The following FNIP2 variants were observed in gnomAD, a reference collection of about 807,000 sequenced individuals.
FNIP2 encodes the protein folliculin interacting protein 2.
A neutral mutation model predicts 108.7 loss-of-function variants in FNIP2; 32 were observed. The ratio of observed to expected loss-of-function variants is 0.29; its 90% confidence interval spans 0.22 to 0.40. FNIP2 has a LOEUF of 0.40. Among genes scored for constraint, FNIP2 ranks in the 10% least tolerant of loss-of-function variants. FNIP2 has a pLI of 1.00. For missense variants in FNIP2, 1,202 were observed against 1,381.6 expected (o/e 0.87, Z 2.06); for synonymous variants, 480 against 496.7 (o/e 0.97, Z 0.45).
intron 1 of FNIP2, among the ~76,000 whole-genome samples, chr4:158,814,232 C>G (rs947819333): frequency 6.6e-6 from 1 of 152,156 alleles, no homozygotes; most frequent in African/African-American, 2.4e-5. Context: ...CTACTGGTAT[C>G]AAGGTGATAG....
At chr4:158,805,812 C>T (rs1776927682) in intron 1 of FNIP2, among the ~76,000 whole-genome samples, 1 of 152,232 alleles carries the variant, frequency 6.6e-6, no homozygotes, top group African/African-American at 2.4e-5. Flanking sequence ...AATTAATTGA[C>T]TACTACATAA....
rs569663036 is a variant in FNIP2, at chr4:158,825,886, A to C, written c.108-30A>C. 6.3e-6 allele frequency: 10 copies of C among 1,595,900 alleles called. No homozygotes were observed. In the South Asian group the frequency reaches 1.1e-4, roughly 18 times the overall value. On this transcript the variant is annotated intron_variant, in intron 1 of 16. Transcript: ENST00000264433. ...GATCATCTCATGTGCTGCAGATAACATAACTTCTTTTGCCCTTTTTAATCC... is the reference window on the plus strand; with the variant it reads ...GATCATCTCATGTGCTGCAGATAACCTAACTTCTTTTGCCCTTTTTAATCC...
intron 1 of FNIP2, chr4:158,806,350 G>T: frequency 7.8e-7 from 1 of 1,289,336 alleles, no homozygotes; most frequent in Non-Finnish European, 1.0e-6. Flanking sequence ...GATTTACAGG[G>T]CGCTTTTATG....
chr4:158,867,787 AG>A, intron 12 of FNIP2, among the ~76,000 whole-genome samples: 1 of 152,188 alleles, frequency 6.6e-6, no homozygotes, highest in Admixed American at 6.5e-5. Context: ...CTCTGGCTTT[AG>A]CCTTCTTTGG....
chr4:158,863,091 C>T (rs1426214824), intron 12 of FNIP2, among the ~76,000 whole-genome samples: 1 of 152,202 alleles, frequency 6.6e-6, no homozygotes, highest in Non-Finnish European at 1.5e-5. Flanking sequence ...CTTCAGTCCT[C>T]CCTTCCCCCA....
chr4:158,786,655 T>C (rs529826369), intron 1 of FNIP2, among the ~76,000 whole-genome samples: 1 of 152,300 alleles, frequency 6.6e-6, no homozygotes, highest in African/African-American at 2.4e-5. Context: ...GAGTTCACAG[T>C]GGTTTTTATT....
At position 158,859,953 on chromosome 4, in the gene FNIP2, T is replaced by C. The variant is rs150431239; in HGVS notation, c.1148+287T>C. On this transcript the variant is annotated intron_variant, in intron 10 of 16. Coordinates refer to ENST00000264433, the MANE Select transcript of FNIP2 (RefSeq NM_020840.3). ...TCTCACCAGTCTATTCATTATCTTA[T>C]GTCAGCCTCACAAAAGCCCTAAGCA... Among the ~76,000 whole-genome samples the C allele has an allele frequency of 9.0e-4, 137 of 152,352 alleles. 1 individual carries two copies. The highest frequency in any genetic ancestry group is 1.6e-3 in the Non-Finnish European group (109 of 68,024).
At chr4:158,880,679 G>T (rs1382839421) in intron 14 of FNIP2, among the ~76,000 whole-genome samples, 1 of 152,200 alleles carries the variant, frequency 6.6e-6, no homozygotes, top group Non-Finnish European at 1.5e-5. Flanking sequence ...TTCTCTGGAT[G>T]GATTTGAGAC....
At chr4:158,807,133 C>T (rs866979268) in intron 1 of FNIP2, among the ~76,000 whole-genome samples, 4 of 152,080 alleles carry the variant, frequency 2.6e-5, no homozygotes, top group South Asian at 2.1e-4. Context: ...AATTACATTT[C>T]ATTCCAGATT....
intron 12 of FNIP2, among the ~76,000 whole-genome samples, chr4:158,867,301 T>C (rs967024357): frequency 6.6e-6 from 1 of 152,240 alleles, no homozygotes; most frequent in African/African-American, 2.4e-5. Context: ...CAAGCAATTC[T>C]CCTGCCTTGA....
At chr4:158,809,604 T>G (rs1262895763) in intron 1 of FNIP2, among the ~76,000 whole-genome samples, 1 of 152,214 alleles carries the variant, frequency 6.6e-6, no homozygotes, top group Non-Finnish European at 1.5e-5. Flanking sequence ...TCCCGGCAAA[T>G]TAGCAAACAA....
chr4:158,856,995 A>C (rs936536867), intron 8 of FNIP2, among the ~76,000 whole-genome samples: 1 of 152,234 alleles, frequency 6.6e-6, no homozygotes, highest in Non-Finnish European at 1.5e-5. Flanking sequence ...GTGGAGGGTT[A>C]TGGTGAAGCA....
At chr4:158,846,325 T>A (rs1284937815) in intron 7 of FNIP2, among the ~76,000 whole-genome samples, 1 of 152,220 alleles carries the variant, frequency 6.6e-6, no homozygotes, top group Non-Finnish European at 1.5e-5. Context: ...TCTGTTTTTT[T>A]AAATGTTGGT....
intron 14 of FNIP2, chr4:158,872,406 C>T (rs1781002740): frequency 1.9e-5 from 19 of 985,348 alleles, no homozygotes; most frequent in Non-Finnish European, 2.3e-5. Flanking sequence ...CAAGCTTTTT[C>T]GTATTTCATT....
At chr4:158,779,548 G>A (rs926220975) in intron 1 of FNIP2, among the ~76,000 whole-genome samples, 2 of 147,582 alleles carry the variant, frequency 1.4e-5, no homozygotes, top group African/African-American at 5.0e-5. Flanking sequence ...GAGATTGTGG[G>A]TAAATATCCT....
intron 16 of FNIP2, among the ~76,000 whole-genome samples, chr4:158,898,880 T>C (rs1441295120): frequency 6.6e-6 from 1 of 152,164 alleles, no homozygotes; most frequent in East Asian, 1.9e-4. Context: ...TGTTGAATAG[T>C]TGAATAGGAG....
At chr4:158,875,141 A>C (rs1560823202) in intron 14 of FNIP2, among the ~76,000 whole-genome samples, 1 of 151,974 alleles carries the variant, frequency 6.6e-6, no homozygotes, top group Non-Finnish European at 1.5e-5. Context: ...GTATGTACTT[A>C]AAGTTCTCCT....
At position 158,833,525 on chromosome 4, in the gene FNIP2, T is replaced by A. The variant is rs768174696; in HGVS notation, c.555-3T>A. ...TCCTTTTCCCCCCCATCTCCGGATATAGCTTGCAAGACAGCTTTGAGTACA... is the reference window on the plus strand; with the variant it reads ...TCCTTTTCCCCCCCATCTCCGGATAAAGCTTGCAAGACAGCTTTGAGTACA... On this transcript the variant is annotated splice_polypyrimidine_tract_variant and splice_region_variant and intron_variant, in intron 5 of 16. Coordinates refer to ENST00000264433, the MANE Select transcript of FNIP2 (RefSeq NM_020840.3). 1 of 1,577,942 alleles carries A rather than the reference T, an allele frequency of 6.3e-7. No individual in the cohort carries two copies. The highest frequency in any genetic ancestry group is 1.2e-5 in the South Asian group (1 of 84,564).
At chr4:158,851,263 A>G in intron 7 of FNIP2, 58 bp from the exon 8 acceptor site, 5 of 1,574,992 alleles carry the variant, frequency 3.2e-6, no homozygotes, top group Non-Finnish European at 4.4e-6. Flanking sequence ...GTTGTGCATT[A>G]TGTAGCTACA....
Sources: gnomAD v4.1 joint callset for allele counts (sites outside exome capture counted in the v4.1 genomes callset) on GRCh38, gnomAD v4.1.1 for gene constraint, MANE v1.5 for transcripts, NCBI Gene and HGNC (gene_info 2026-07-23, HGNC 2026-07-21) for gene names.